ATP2B2: variants seen among roughly 807,000 people sequenced by gnomAD.
The protein encoded by ATP2B2 is plasma membrane calcium-transporting ATPase 2.
In ATP2B2, 15 loss-of-function variants were observed where a neutral mutation model predicts 120.0. The ratio of observed to expected loss-of-function variants is 0.12; its 90% CI spans 0.08 to 0.19. The LOEUF (loss-of-function observed/expected upper bound fraction) is 0.19. Among genes scored for constraint, ATP2B2 ranks in the 10% least tolerant of loss-of-function variants. The probability of loss-of-function intolerance (pLI) is 1.00; values close to 1 mark genes in which losing one functional copy is unlikely to be tolerated. For missense variants in ATP2B2, 1,045 were observed against 1,719.8 expected (o/e 0.61, Z 6.94); for synonymous variants, 694 against 700.3 (o/e 0.99, Z 0.14).
intron 3 of ATP2B2, among the ~76,000 whole-genome samples, chr3:10,524,346 A>G (rs1218732332): frequency 6.6e-6 from 1 of 152,226 alleles, no homozygotes; most frequent in African/African-American, 2.4e-5. Context: ...CCAGGCAACT[A>G]TTTAGTTCTC....
chr3:10,575,750 G>A (rs1373803919), intron 2 of ATP2B2, among the ~76,000 whole-genome samples: 2 of 152,138 alleles, frequency 1.3e-5, no homozygotes, highest in South Asian at 2.1e-4. Flanking sequence ...TGTTGTCTCT[G>A]GTGTCTGAGG....
intron 1 of ATP2B2, among the ~76,000 whole-genome samples, chr3:10,501,958 G>A (rs2066412759): frequency 6.6e-6 from 1 of 152,148 alleles, no homozygotes; most frequent in South Asian, 2.1e-4. Context: ...ATCAAGGTAG[G>A]GCCCAGAAAT....
At chr3:10,395,613 T>C (rs1211383635) in intron 5 of ATP2B2, among the ~76,000 whole-genome samples, 3 of 152,260 alleles carry the variant, frequency 2.0e-5, no homozygotes, top group Non-Finnish European at 2.9e-5. Context: ...CTTGCAACTT[T>C]TCTGAAAGTT....
intron 22 of ATP2B2, among the ~76,000 whole-genome samples, 187 bp downstream of exon 22, chr3:10,337,989 C>A (rs575108748): frequency 5.3e-5 from 8 of 152,192 alleles, no homozygotes; most frequent in African/African-American, 1.9e-4. Context: ...CTGAGGAGGC[C>A]GTGCTGTTCC....
intron 2 of ATP2B2, among the ~76,000 whole-genome samples, chr3:10,414,192 G>T (rs1457617374): frequency 6.6e-6 from 1 of 152,214 alleles, no homozygotes; most frequent in Non-Finnish European, 1.5e-5. Flanking sequence ...TCTGGGCCCT[G>T]CCTGATTGAT....
At chr3:10,451,438 C>T (rs1575267931) in intron 1 of ATP2B2, among the ~76,000 whole-genome samples, 1 of 152,180 alleles carries the variant, frequency 6.6e-6, no homozygotes, top group Non-Finnish European at 1.5e-5. Flanking sequence ...TCTTCCTTAC[C>T]CCTACCCCTG....
chr3:10,534,308 G>C (rs557399298), intron 2 of ATP2B2, among the ~76,000 whole-genome samples: 4 of 152,364 alleles, frequency 2.6e-5, no homozygotes, highest in Non-Finnish European at 4.4e-5. Context: ...ACCAGCCTGG[G>C]TGGGCTTTGC....
intron 2 of ATP2B2, among the ~76,000 whole-genome samples, chr3:10,424,874 T>C (rs537064084): frequency 5.1e-4 from 77 of 152,298 alleles, no homozygotes; most frequent in African/African-American, 1.7e-3. Context: ...ACTATATATA[T>C]GTAAATGTGT....
intron 5 of ATP2B2, among the ~76,000 whole-genome samples, chr3:10,400,702 C>T (rs147574728): frequency 7.4e-4 from 112 of 152,314 alleles, no homozygotes; most frequent in Non-Finnish European, 1.5e-3. Context: ...AGGCCAATGC[C>T]ATGAGGGCAG....
In ATP2B2 at chr3:10,677,711, T is replaced by C. The variant is rs951902974; in HGVS notation, c.-460+30204A>G. On this transcript the variant is annotated intron_variant, in intron 1 of 21. Coordinates refer to the ATP2B2 transcript ENST00000646379. ...TGAACCTAAGATTACTCTAAAACAATAGTGGCTAAAAATTTATTTTGTAGA... is the reference window on the plus strand; with the variant it reads ...TGAACCTAAGATTACTCTAAAACAACAGTGGCTAAAAATTTATTTTGTAGA... Among the ~76,000 whole-genome samples, 7 of 152,248 alleles carry C rather than the reference T, an allele frequency of 4.6e-5. No individual in the cohort carries two copies. In the East Asian group the frequency reaches 9.6e-4, roughly 21 times the overall value.
At chr3:10,548,425 C>T (rs1046704816) in intron 2 of ATP2B2, among the ~76,000 whole-genome samples, 20 of 152,336 alleles carry the variant, frequency 1.3e-4, no homozygotes, top group African/African-American at 4.6e-4. Context: ...CAGCAGCTCT[C>T]AGCCAATGAT....
At position 10,433,751 on chromosome 3, in the gene ATP2B2, G is replaced by A. The variant is rs146922083; in HGVS notation, c.199+15594C>T. 9.1e-4 allele frequency among the ~76,000 whole-genome samples: 139 copies of A among 152,256 alleles called. 2 individuals are homozygous for A. Among genetic ancestry groups the A allele is most frequent in the African/African-American group, 3.2e-3 (134 of 41,528 alleles). On this transcript the variant is annotated intron_variant, in intron 2 of 22. Transcript: ENST00000360273. ...GCAATCCATGGAAGGTAGTTCCTAG[G>A]CACCCAGCACGTCAGCTGATGCTCA...
At chr3:10,472,220 C>T (rs2065044316) in intron 1 of ATP2B2, among the ~76,000 whole-genome samples, 1 of 149,112 alleles carries the variant, frequency 6.7e-6, no homozygotes, top group Non-Finnish European at 1.5e-5. Context: ...CCGGGAGGCC[C>T]GGAGGAAAGA....
In ATP2B2 at chr3:10,329,835, G is replaced by A. The variant is rs568222843; in HGVS notation, c.3421-710C>T. ...GGGGCGGGCTGCATGCCACGGGGAG[G>A]CCGGGAGCCACATGGCACACACAGA... On this transcript the variant is annotated intron_variant, in intron 22 of 22. Coordinates refer to ENST00000360273, the MANE Select transcript of ATP2B2 (RefSeq NM_001001331.4). The surrounding 1 kb of genome is among the most constrained non-coding windows in gnomAD (Gnocchi z 5.9). 6.6e-6 allele frequency among the ~76,000 whole-genome samples: 1 copy of A among 152,282 alleles called. No homozygotes were observed. Among genetic ancestry groups the A allele is most frequent in the South Asian group, 2.1e-4 (1 of 4,822 alleles).
intron 1 of ATP2B2, among the ~76,000 whole-genome samples, chr3:10,647,276 G>A (rs1221750926): frequency 6.6e-6 from 1 of 152,154 alleles, no homozygotes; most frequent in African/African-American, 2.4e-5. Flanking sequence ...CAGAGGACTT[G>A]GGCAAACAGG....
At chr3:10,695,513 GCTCT>G (rs141832820) in intron 1 of ATP2B2, among the ~76,000 whole-genome samples, 1 of 151,796 alleles carries the variant, frequency 6.6e-6, no homozygotes, top group Admixed American at 6.6e-5. Context: ...CATGCTGCTT[GCTCT>G]CTCTCTCTCA....
At chr3:10,451,250 G>A (rs917165421) in intron 1 of ATP2B2, among the ~76,000 whole-genome samples, 4 of 152,156 alleles carry the variant, frequency 2.6e-5, no homozygotes, top group Non-Finnish European at 5.9e-5. Flanking sequence ...GGGTGCTCCC[G>A]CGTTTGTCTC....
At chr3:10,360,774 G>A (rs1033952522) in intron 12 of ATP2B2, among the ~76,000 whole-genome samples, 1 of 152,218 alleles carries the variant, frequency 6.6e-6, no homozygotes, top group African/African-American at 2.4e-5. Context: ...CTTTACATGA[G>A]CTTGTGTGTG....
chr3:10,385,735 C>A (rs1200543054), intron 7 of ATP2B2, among the ~76,000 whole-genome samples: 1 of 152,160 alleles, frequency 6.6e-6, no homozygotes, highest in African/African-American at 2.4e-5. Flanking sequence ...GCAGCGTGGG[C>A]ACGGACCACT....
Sources: gnomAD v4.1 joint callset for allele counts (sites outside exome capture counted in the v4.1 genomes callset) on GRCh38, gnomAD v4.1.1 for gene constraint, Gnocchi (gnomAD v3.1) non-coding constraint, MANE v1.5 for transcripts, NCBI Gene and HGNC (gene_info 2026-07-23, HGNC 2026-07-21) for gene names.